FGFR1: variants seen among roughly 807,000 people sequenced by gnomAD.
FGFR1 encodes the protein FGFR1/PLAG1 fusion.
A neutral mutation model predicts 93.7 loss-of-function variants in FGFR1; 18 were observed. That is an observed-to-expected ratio of 0.19 (90% CI 0.13 to 0.28). FGFR1 has a LOEUF of 0.28. Ranked by LOEUF, FGFR1 falls within the 10% of genes least tolerant of loss-of-function variation. The pLI is 1.00. For synonymous variants in FGFR1, 448 were observed against 429.3 expected (o/e 1.04, Z -0.54); for missense variants, 731 against 1,080.4 (o/e 0.68, Z 4.53).
intron 2 of FGFR1, among the ~76,000 whole-genome samples, chr8:38,437,545 G>A (rs1046409764): frequency 6.6e-6 from 1 of 152,138 alleles, no homozygotes. Context: ...ACAAAATGAC[G>A]GGGAAGGGAA....
In FGFR1 at chr8:38,413,826, A is replaced by T. The variant is rs2150513454; in HGVS notation, c.2293-22T>A. The T allele has an allele frequency of 6.2e-7, 1 of 1,613,924 alleles. No homozygotes were observed. Among genetic ancestry groups the T allele is most frequent in the Non-Finnish European group, 8.5e-7 (1 of 1,179,872 alleles). ...ACTCCTGTGATGGGCGAGAGGAAGC[A>T]GCGATGGGCCGGGCCCCTCCTCCCT... On this transcript the variant is annotated intron_variant, in intron 17 of 17. Coordinates refer to ENST00000447712, the MANE Select transcript of FGFR1 (RefSeq NM_023110.3). This position sits in a 1 kb window ranked among gnomAD's most constrained non-coding sequence, Gnocchi z 4.2.
intron 2 of FGFR1, among the ~76,000 whole-genome samples, chr8:38,436,789 G>C (rs370321322): frequency 1.3e-4 from 20 of 152,146 alleles, no homozygotes; most frequent in African/African-American, 4.3e-4. Flanking sequence ...TCAGGAACAC[G>C]ATTAATGATA....
At chr8:38,436,148 G>C (rs1825336655) in intron 2 of FGFR1, among the ~76,000 whole-genome samples, 1 of 152,198 alleles carries the variant, frequency 6.6e-6, no homozygotes. Context: ...GCCAAGGTGG[G>C]AGGACTGCTT....
chr8:38,418,162 A>G, intron 10 of FGFR1, 66 bp downstream of exon 10: 1 of 1,611,956 alleles, frequency 6.2e-7, no homozygotes, highest in Non-Finnish European at 8.5e-7. Context: ...TAGTATACAC[A>G]CCTTCCACCA....
intron 11 of FGFR1, 98 bp downstream of exon 11, chr8:38,417,772 A>T (rs2150642079): frequency 6.3e-7 from 1 of 1,575,158 alleles, no homozygotes; most frequent in Non-Finnish European, 8.7e-7. Context: ...AGGTGTGGGC[A>T]GCAAAGGCAC....
intron 2 of FGFR1, among the ~76,000 whole-genome samples, chr8:38,455,629 T>C (rs573446454): frequency 2.1e-4 from 32 of 152,170 alleles, no homozygotes; most frequent in Non-Finnish European, 3.2e-4. Flanking sequence ...AAGCCTTCCA[T>C]ATGCTAACTC....
chr8:38,460,209 C>T (rs1430142014), intron 1 of FGFR1, among the ~76,000 whole-genome samples: 1 of 152,090 alleles, frequency 6.6e-6, no homozygotes, highest in African/African-American at 2.4e-5. Flanking sequence ...AAGAAAGACC[C>T]TTGGAAGCAG....
At chr8:38,442,723 G>C (rs1487624882) in intron 2 of FGFR1, among the ~76,000 whole-genome samples, 1 of 152,180 alleles carries the variant, frequency 6.6e-6, no homozygotes, top group East Asian at 1.9e-4. Context: ...ATTGTATGGG[G>C]AAGGAAACGC....
chr8:38,463,885 T>C (rs992360698), intron 1 of FGFR1, among the ~76,000 whole-genome samples: 2 of 152,112 alleles, frequency 1.3e-5, no homozygotes, highest in Non-Finnish European at 2.9e-5. Context: ...GGGCAAGTAC[T>C]TAATAAACAT....
intron 2 of FGFR1, among the ~76,000 whole-genome samples, chr8:38,444,948 GA>G (rs1428329891): frequency 6.6e-6 from 1 of 152,178 alleles, no homozygotes. Flanking sequence ...TCCAGCCAGA[GA>G]GAGTACCTGA....
chr8:38,419,017 C>T (rs551302593), intron 9 of FGFR1, among the ~76,000 whole-genome samples: 35 of 152,338 alleles, frequency 2.3e-4, no homozygotes, highest in African/African-American at 8.4e-4. Flanking sequence ...GGGAGTTTCC[C>T]TGTACAAGCT....
intron 2 of FGFR1, among the ~76,000 whole-genome samples, chr8:38,439,580 A>C (rs566645222): frequency 5.1e-4 from 77 of 152,214 alleles, no homozygotes; most frequent in African/African-American, 1.4e-3. Context: ...ACTCCATGAC[A>C]GCCCCAGCTG....
rs2150706746 is a variant in FGFR1, at chr8:38,419,579, G to T, written c.1238C>A (p.Ala413Asp). ...TKKSDFHSQM[A>D]VHKLAKSIPL... is the part of the protein sequence containing the mutation. ...GATGCTCTTGGCCAGCTTGTGCACA[G>T]CCATCTGGCTGTGGAAGTCACTCTT... The change falls in exon 9 of 18, where the codon GCT becomes GAT. Residue 413 changes from alanine (A) to aspartate (D), a missense_variant. Ala to Asp is a moderately radical substitution (Grantham distance 126). Coordinates refer to ENST00000447712, the MANE Select transcript of FGFR1 (RefSeq NM_023110.3). 6.2e-7 allele frequency: 1 copy of T among 1,614,124 alleles called. No homozygotes were observed. Among genetic ancestry groups the T allele is most frequent in the Non-Finnish European group, 8.5e-7 (1 of 1,180,026 alleles).
chr8:38,465,815 C>T (rs1323231849), intron 1 of FGFR1: 1 of 218,750 alleles, frequency 4.6e-6, no homozygotes, highest in East Asian at 6.7e-5. Flanking sequence ...TAAACAGTCT[C>T]AAGGCTAGAT....
chr8:38,454,839 A>G (rs985691775), intron 2 of FGFR1, among the ~76,000 whole-genome samples: 9 of 152,048 alleles, frequency 5.9e-5, no homozygotes, highest in Non-Finnish European at 1.5e-5. Flanking sequence ...ACACAGGTGC[A>G]CCTCACTCTT....
chr8:38,438,308 G>A (rs1244719692), intron 2 of FGFR1, among the ~76,000 whole-genome samples: 2 of 152,134 alleles, frequency 1.3e-5, no homozygotes, highest in South Asian at 2.1e-4. Context: ...TTGGGAGGCC[G>A]AAGTGGGTGG....
chr8:38,446,205 C>CTT (rs773129271), intron 2 of FGFR1, among the ~76,000 whole-genome samples: 48 of 127,790 alleles, frequency 3.8e-4, no homozygotes, highest in African/African-American at 9.4e-4. Context: ...CCTCTCCCAC[C>CTT]TTTTTTTTTT....
rs1030674707 is a variant in FGFR1 at position 38,468,251 on chromosome 8, T to C, written c.-359A>G. 2.6e-5 allele frequency: 6 copies of C among 228,274 alleles called. No homozygotes were observed. Among genetic ancestry groups the C allele is most frequent in the Non-Finnish European group, 5.2e-5 (6 of 114,836 alleles). The allele number at this position is 228,274 out of a possible 1,614,324, so 14.1% of individuals were successfully genotyped here. ...CGCCACCCGGGGTCTCCAGACCTTG[T>C]GCCCCCCTCCTCCAGAACGCAGCGG... On this transcript the variant is annotated 5_prime_UTR_variant, in exon 1 of 18. Transcript: ENST00000447712.
rs758185548 is a variant in FGFR1 at position 38,427,910 on chromosome 8, C to T, written c.621+11G>A. On this transcript the variant is annotated intron_variant, in intron 5 of 17. Transcript: ENST00000447712. The stretch of plus-strand genomic sequence containing the variant: ...CCCATTACTCTAACTTTCGCATGCA[C>T]ACACACGTACCTTGTAGCCTCCAAT... 3 of 1,614,242 alleles carry T rather than the reference C, an allele frequency of 1.9e-6. No individual in the cohort carries two copies. The highest frequency in any genetic ancestry group is 1.7e-5 in the Admixed American group (1 of 60,026).
Sources: gnomAD v4.1 joint callset for allele counts (sites outside exome capture counted in the v4.1 genomes callset) on GRCh38, gnomAD v4.1.1 for gene constraint, Gnocchi (gnomAD v3.1) non-coding constraint, MANE v1.5 for transcripts, NCBI Gene and HGNC (gene_info 2026-07-23, HGNC 2026-07-21) for gene names.